The following RNF217 variants were observed in gnomAD, a reference collection of about 807,000 sequenced individuals.
RNF217 encodes ring finger protein 217.
In RNF217, 31 loss-of-function variants were observed where a neutral mutation model predicts 57.8. That is an observed-to-expected ratio of 0.54 (90% CI 0.40 to 0.72). RNF217 has a LOEUF of 0.72. Ranked by LOEUF, RNF217 falls within the 30% of genes least tolerant of loss-of-function variation. The pLI is 0.00. For missense variants in RNF217, 696 were observed against 708.3 expected (o/e 0.98, Z 0.20); for synonymous variants, 313 against 294.0 (o/e 1.06, Z -0.66).
chr6:125,077,590 A>C (rs1437781775), intron 4 of RNF217, among the ~76,000 whole-genome samples: 3 of 152,170 alleles, frequency 2.0e-5, no homozygotes, highest in Non-Finnish European at 4.4e-5. Flanking sequence ...GCCAAATGCC[A>C]CTGCCTTTGG....
At chr6:125,052,367 G>A (rs1787360145) in intron 2 of RNF217, among the ~76,000 whole-genome samples, 1 of 146,410 alleles carries the variant, frequency 6.8e-6, no homozygotes, top group South Asian at 2.1e-4. Context: ...TCTGCTGTTG[G>A]TCCTCAGCCT....
intron 1 of RNF217, among the ~76,000 whole-genome samples, chr6:125,036,181 G>A (rs557268999): frequency 2.5e-4 from 38 of 152,170 alleles, no homozygotes; most frequent in African/African-American, 8.7e-4. Flanking sequence ...GCAGTGTTTG[G>A]TTTACTGTTC....
intron 2 of RNF217, chr6:125,048,330 G>T: frequency 8.2e-7 from 1 of 1,226,462 alleles, no homozygotes; most frequent in Non-Finnish European, 1.1e-6. Context: ...GTTCCAAATT[G>T]GTGTCATTTA....
intron 1 of RNF217, chr6:125,009,018 A>G: frequency 2.8e-6 from 1 of 353,396 alleles, no homozygotes; most frequent in Non-Finnish European, 5.0e-6. Context: ...ATTACATGTA[A>G]TTTTATACCT....
intron 2 of RNF217, among the ~76,000 whole-genome samples, chr6:125,057,010 A>G (rs991331101): frequency 6.6e-6 from 1 of 152,230 alleles, no homozygotes; most frequent in Non-Finnish European, 1.5e-5. Context: ...TTTTCTAAGT[A>G]CAGGCCACAG....
chr6:125,022,224 T>A (rs1024342550), intron 1 of RNF217, among the ~76,000 whole-genome samples: 2 of 152,180 alleles, frequency 1.3e-5, no homozygotes, highest in African/African-American at 2.4e-5. Flanking sequence ...ACAGCAGATC[T>A]ATTTGGTTTA....
At chr6:125,040,104 A>T (rs1024943852) in intron 1 of RNF217, among the ~76,000 whole-genome samples, 1 of 152,166 alleles carries the variant, frequency 6.6e-6, no homozygotes, top group East Asian at 1.9e-4. Flanking sequence ...AGCAGAATTG[A>T]AGGAGATAGA....
At chr6:124,985,700 G>A (rs1401934236) in intron 1 of RNF217, among the ~76,000 whole-genome samples, 1 of 152,024 alleles carries the variant, frequency 6.6e-6, no homozygotes, top group Non-Finnish European at 1.5e-5. Context: ...AGAGAAATGT[G>A]TATAGTATAG....
chr6:124,983,479 C>T, intron 1 of RNF217: 1 of 984,594 alleles, frequency 1.0e-6, no homozygotes, highest in South Asian at 4.7e-5. Context: ...TATGTCCTCA[C>T]TTGTCACTAA....
At position 125,057,980 on chromosome 6, in the gene RNF217, G is replaced by A. The variant is rs36014454; in HGVS notation, c.1155G>A (p.Lys385=). 16,896 of 1,612,144 alleles carry A rather than the reference G, an allele frequency of 0.01. 607 individuals carry two copies. The African/African-American group carries it at 0.11, about 11-fold the overall frequency. ...CPTCQFVWCF[K]CHSPWHEGVN... ...CCTGCCAATTCGTCTGGTGTTTTAA[G>A]TGCCACTCTCCTTGGCATGAAGGTG... The change falls in exon 3 of 6, where the codon AAG becomes AAA. Residue 385 remains lysine (K), a synonymous_variant. Coordinates refer to ENST00000521654, the MANE Select transcript of RNF217 (RefSeq NM_001286398.3).
At chr6:125,046,694 G>A (rs1787111604) in intron 2 of RNF217, 1 of 455,812 alleles carries the variant, frequency 2.2e-6, no homozygotes, top group South Asian at 1.6e-5. Flanking sequence ...TTTCTTGAGA[G>A]CAGCAGTTAC....
chr6:124,966,183 CT>C lies in RNF217; in HGVS notation c.882+2763del, dbSNP rs560001921. On this transcript the variant is annotated intron_variant, in intron 1 of 5. Transcript: ENST00000521654. ...ACTTTGAGCTTATACATAAAATAGCCTTTTTTAGTTGGTTAAAAATACAGGA... is the reference window on the plus strand; with the variant it reads ...ACTTTGAGCTTATACATAAAATAGCCTTTTTAGTTGGTTAAAAATACAGGA... Among the ~76,000 whole-genome samples, 278 of 152,244 alleles carry C rather than the reference CT, an allele frequency of 1.8e-3. 3 individuals are homozygous for C. The highest frequency in any genetic ancestry group is 0.012 in the South Asian group (56 of 4,816).
intron 4 of RNF217, among the ~76,000 whole-genome samples, chr6:125,080,947 C>T (rs1397146515): frequency 6.6e-6 from 1 of 152,036 alleles, no homozygotes; most frequent in Non-Finnish European, 1.5e-5. Context: ...TATTAGTTTT[C>T]TTTGGACCCA....
At chr6:125,043,030 A>G (rs966167402) in intron 1 of RNF217, among the ~76,000 whole-genome samples, 1 of 151,998 alleles carries the variant, frequency 6.6e-6, no homozygotes, top group African/African-American at 2.4e-5. Context: ...TTCTATTTAA[A>G]TAGAAAAACA....
At chr6:124,984,566 G>C (rs1202344451) in intron 1 of RNF217, among the ~76,000 whole-genome samples, 1 of 146,164 alleles carries the variant, frequency 6.8e-6, no homozygotes, top group Non-Finnish European at 1.5e-5. Context: ...AAAAAAGAAA[G>C]AAAGAAAATA....
rs1453044546 is a variant in RNF217, at chr6:125,089,217, CTAA to C, written c.*6286_*6288del. 1 of 152,262 alleles carries C rather than the reference CTAA, an allele frequency of 6.6e-6. No homozygotes were observed. The highest frequency in any genetic ancestry group is 1.9e-4 in the East Asian group (1 of 5,178). The allele number at this position is 152,262 out of a possible 1,614,324, so 9.4% of individuals were successfully genotyped here. ...GAAGATACCAGTTGGATCAGAGGGCCTAATAATAGTCTAAAACCAAGCTTCAGA... is the reference window on the plus strand; with the variant it reads ...GAAGATACCAGTTGGATCAGAGGGCCTAATAGTCTAAAACCAAGCTTCAGA... On this transcript the variant is annotated 3_prime_UTR_variant, in exon 6 of 6. Transcript: ENST00000521654.
chr6:125,078,981 C>T lies in RNF217; in HGVS notation c.1483+2123C>T, dbSNP rs568700750. Among the ~76,000 whole-genome samples, 12 of 152,292 alleles carry T rather than the reference C, an allele frequency of 7.9e-5. No individual in the cohort carries two copies. The South Asian group carries it at 2.1e-3, about 26-fold the overall frequency. ...AAGATGGAGTATAGGAAAGCCCTCC[C>T]ACCCACTGTCCTTGTGTGATGTGAC... On this transcript the variant is annotated intron_variant, in intron 4 of 5. Transcript: ENST00000521654.
intron 3 of RNF217, among the ~76,000 whole-genome samples, chr6:125,067,051 A>C (rs1787961396): frequency 1.3e-5 from 2 of 152,126 alleles, no homozygotes; most frequent in South Asian, 4.1e-4. Flanking sequence ...TGAGGAATCC[A>C]AGGGAGCTAG....
chr6:124,980,797 A>T (rs867180534), intron 1 of RNF217, among the ~76,000 whole-genome samples: 18 of 152,288 alleles, frequency 1.2e-4, no homozygotes, highest in Non-Finnish European at 1.6e-4. Flanking sequence ...TGTTAATTTC[A>T]TAGAGTCCTG....
Sources: gnomAD v4.1 joint callset for allele counts (sites outside exome capture counted in the v4.1 genomes callset) on GRCh38, gnomAD v4.1.1 for gene constraint, MANE v1.5 for transcripts, NCBI Gene and HGNC (gene_info 2026-07-23, HGNC 2026-07-21) for gene names.